STEAP1B: variants seen among roughly 807,000 people sequenced by gnomAD.
STEAP1B encodes the protein STEAP family member 1B.
A neutral mutation model predicts 27.9 loss-of-function variants in STEAP1B; 13 were observed. That is an observed-to-expected ratio of 0.47 (90% confidence interval 0.30 to 0.74). STEAP1B has a LOEUF of 0.74. Among genes scored for constraint, STEAP1B ranks in the 30% least tolerant of loss-of-function variants. The pLI, the probability that STEAP1B is intolerant of heterozygous loss-of-function variation, is 0.06. For synonymous variants in STEAP1B, 86 were observed against 107.1 expected, an observed-to-expected ratio of 0.80 and a Z score of 1.22; for missense variants, 250 against 298.7, an observed-to-expected ratio of 0.84 and a Z score of 1.20.
At chr7:22,459,596 T>C (rs1583641624) in intron 4 of STEAP1B, among the ~76,000 whole-genome samples, 1 of 152,338 alleles carries the variant, frequency 6.6e-6, no homozygotes, top group South Asian at 2.1e-4. Context: ...GATTTCTGTA[T>C]TTTCCCTGTT....
Position 22,463,427 on chromosome 7 carries a change from A to C in STEAP1B, c.762+29138T>G, listed in dbSNP as rs550832964. On this transcript the variant is annotated intron_variant, in intron 4 of 4. Coordinates refer to ENST00000678116, the MANE Select transcript of STEAP1B (RefSeq NM_001382447.1). ...TGCCATCCCCATCAAGCTACCAATG[A>C]CTTGCTTCACAGAATTGGAAAAAAC... Among the ~76,000 whole-genome samples the C allele has an allele frequency of 4.6e-5, 7 of 152,314 alleles. No homozygotes were observed. The South Asian group carries it at 1.5e-3, about 32-fold the overall frequency.
intron 4 of STEAP1B, among the ~76,000 whole-genome samples, chr7:22,460,855 T>A (rs1017016512): frequency 6.6e-6 from 1 of 152,228 alleles, no homozygotes; most frequent in East Asian, 1.9e-4. Flanking sequence ...TATATACATA[T>A]ATGCATGTGT....
intron 4 of STEAP1B, among the ~76,000 whole-genome samples, chr7:22,482,430 A>G (rs1786096040): frequency 6.6e-6 from 1 of 152,170 alleles, no homozygotes; most frequent in African/African-American, 2.4e-5. Flanking sequence ...CTGAAGTTTA[A>G]CTGGATTTAG....
In STEAP1B at chr7:22,432,914, A is replaced by G. The variant is rs118002595; in HGVS notation, c.763-13078T>C. Among the ~76,000 whole-genome samples, 557 of 152,356 alleles carry G rather than the reference A, an allele frequency of 3.7e-3. 3 individuals carry two copies. The highest frequency in any genetic ancestry group is 6.8e-3 in the Middle Eastern group (2 of 294). On this transcript the variant is annotated intron_variant, in intron 4 of 4. Transcript: ENST00000678116. ...CGTCTCTTGTTAGAGAAATGCTCTCATAACTCCCTGACAGCAAAGAACTGC... is the reference window on the plus strand; with the variant it reads ...CGTCTCTTGTTAGAGAAATGCTCTCGTAACTCCCTGACAGCAAAGAACTGC...
rs573811754 is a variant in STEAP1B, at chr7:22,483,510, T to G, written c.762+9055A>C. Among the ~76,000 whole-genome samples, 5 of 152,354 alleles carry G rather than the reference T, an allele frequency of 3.3e-5. No individual in the cohort carries two copies. The South Asian group carries it at 1.0e-3, about 32-fold the overall frequency. On this transcript the variant is annotated intron_variant, in intron 4 of 4. Coordinates refer to ENST00000678116, the MANE Select transcript of STEAP1B (RefSeq NM_001382447.1). ...GGTTTTGTTTTTTTAACAAATTGGATGTTTGTGGCAAGCCTCTGTCAAGCA... is the reference window on the plus strand; with the variant it reads ...GGTTTTGTTTTTTTAACAAATTGGAGGTTTGTGGCAAGCCTCTGTCAAGCA...
chr7:22,500,015 A>T (rs1786509345), intron 1 of STEAP1B, 99 bp downstream of exon 1: 2 of 152,494 alleles, frequency 1.3e-5, no homozygotes, highest in South Asian at 4.1e-4. Flanking sequence ...GCGACCCGCT[A>T]CACCCCTCCC....
chr7:22,486,875 C>CTCGG (rs1786218838), intron 4 of STEAP1B, among the ~76,000 whole-genome samples: 1 of 152,148 alleles, frequency 6.6e-6, no homozygotes, highest in Non-Finnish European at 1.5e-5. Flanking sequence ...ATCCCACACT[C>CTCGG]TCGGACTCCT....
chr7:22,474,710 C>T lies in STEAP1B; in HGVS notation c.762+17855G>A, dbSNP rs572280550. ...AAGTTCCTGTAGCCATGAGTTCAAA[C>T]AAGCTAGAGTTGCTGCAGATGGCTG... On this transcript the variant is annotated intron_variant, in intron 4 of 4. Coordinates refer to ENST00000678116, the MANE Select transcript of STEAP1B (RefSeq NM_001382447.1). 1.1e-4 allele frequency among the ~76,000 whole-genome samples: 16 copies of T among 152,334 alleles called. No individual in the cohort carries two copies. The East Asian group carries it at 2.9e-3, about 27-fold the overall frequency.
intron 4 of STEAP1B, among the ~76,000 whole-genome samples, chr7:22,459,000 A>C (rs1785634883): frequency 6.6e-6 from 1 of 152,208 alleles, no homozygotes; most frequent in Admixed American, 6.5e-5. Context: ...TCACCTATAA[A>C]GCCAAAAATA....
chr7:22,438,443 T>A (rs769190307), intron 4 of STEAP1B: 1 of 1,521,992 alleles, frequency 6.6e-7, no homozygotes, highest in Non-Finnish European at 8.8e-7. Context: ...TCTGCAAGTA[T>A]GTAAGATGTA....
At chr7:22,425,781 T>C (rs560019429) in intron 4 of STEAP1B, among the ~76,000 whole-genome samples, 3 of 152,306 alleles carry the variant, frequency 2.0e-5, no homozygotes, top group East Asian at 3.9e-4. Context: ...CCAGCAGAAA[T>C]CCTTAAGAAA....
At chr7:22,430,335 T>C (rs953316586) in intron 4 of STEAP1B, among the ~76,000 whole-genome samples, 5 of 152,212 alleles carry the variant, frequency 3.3e-5, no homozygotes, top group Admixed American at 1.3e-4. Context: ...GTACCAGACA[T>C]ATATGAAGTG....
intron 4 of STEAP1B, among the ~76,000 whole-genome samples, chr7:22,463,055 C>T (rs1235215255): frequency 6.6e-6 from 1 of 152,180 alleles, no homozygotes; most frequent in African/African-American, 2.4e-5. Context: ...TGTTCATGTC[C>T]TTTGCCCACT....
intron 4 of STEAP1B, among the ~76,000 whole-genome samples, chr7:22,450,532 ATGTGTC>A (rs1299444536): frequency 6.7e-6 from 1 of 149,460 alleles, no homozygotes; most frequent in Non-Finnish European, 1.5e-5. Flanking sequence ...TCACTGGACT[ATGTGTC>A]TGTTTTTATG....
intron 4 of STEAP1B, among the ~76,000 whole-genome samples, chr7:22,474,484 G>A (rs138307534): frequency 6.6e-6 from 1 of 152,324 alleles, no homozygotes; most frequent in African/African-American, 2.4e-5. Flanking sequence ...TGGGAAACCG[G>A]GAAGAGCCAG....
chr7:22,482,949 A>C (rs1482826403), intron 4 of STEAP1B, among the ~76,000 whole-genome samples: 6 of 152,182 alleles, frequency 3.9e-5, no homozygotes, highest in Non-Finnish European at 2.9e-5. Flanking sequence ...TAGGGCTTCC[A>C]AAAATAAAAT....
chr7:22,432,990 C>G (rs1055911021), intron 4 of STEAP1B, among the ~76,000 whole-genome samples: 2 of 152,194 alleles, frequency 1.3e-5, no homozygotes, highest in Non-Finnish European at 2.9e-5. Context: ...AGCCCTTCAG[C>G]TCTGCCGTTC....
intron 4 of STEAP1B, among the ~76,000 whole-genome samples, chr7:22,420,191 G>T (rs1177139293): frequency 2.0e-5 from 3 of 152,202 alleles, no homozygotes; most frequent in Non-Finnish European, 4.4e-5. Flanking sequence ...CAATGATGGT[G>T]ACTCACTGGC....
At chr7:22,430,578 C>CCA (rs1334661471) in intron 4 of STEAP1B, among the ~76,000 whole-genome samples, 7 of 152,210 alleles carry the variant, frequency 4.6e-5, no homozygotes, top group African/African-American at 1.7e-4. Context: ...CTCCACCCTG[C>CCA]AGCTGGCTTG....
Sources: gnomAD v4.1 joint callset for allele counts (sites outside exome capture counted in the v4.1 genomes callset) on GRCh38, gnomAD v4.1.1 for gene constraint, MANE v1.5 for transcripts, NCBI Gene and HGNC (gene_info 2026-07-23, HGNC 2026-07-21) for gene names.